The following EMB variants were observed in gnomAD, a reference collection of about 807,000 sequenced individuals.
The protein encoded by EMB is embigin, also known as embigin homolog.
In EMB, 31 loss-of-function variants were observed where a neutral mutation model predicts 41.4. The observed-to-expected ratio is 0.75, with a 90% CI of 0.56 to 1.01. The LOEUF (loss-of-function observed/expected upper bound fraction) is 1.01. Ranked by LOEUF, EMB falls within the 50% of genes least tolerant of loss-of-function variation. The probability of loss-of-function intolerance (pLI) is 0.00; values close to 1 mark genes in which losing one functional copy is unlikely to be tolerated. For missense variants in EMB, 379 were observed against 388.3 expected, an observed-to-expected ratio of 0.98 and a Z score of 0.20; for synonymous variants, 137 against 140.4, an observed-to-expected ratio of 0.98 and a Z score of 0.17.
chr5:50,418,875 G>A (rs934430049), intron 2 of EMB, among the ~76,000 whole-genome samples: 3 of 152,126 alleles, frequency 2.0e-5, no homozygotes, highest in Admixed American at 6.6e-5. Context: ...TTCTGGGCTT[G>A]AGATCATTAA....
At chr5:50,412,257 G>GAC (rs59853245) in intron 2 of EMB, among the ~76,000 whole-genome samples, 5,649 of 141,676 alleles carry the variant, frequency 0.04, 113 homozygotes, top group South Asian at 0.073. Flanking sequence ...CACACACACA[G>GAC]ACACACACAC....
chr5:50,432,572 T>C (rs1192353453), intron 1 of EMB, among the ~76,000 whole-genome samples: 1 of 152,024 alleles, frequency 6.6e-6, no homozygotes, highest in African/African-American at 2.4e-5. Context: ...TTAAAATACC[T>C]AATTACTAAG....
intron 2 of EMB, among the ~76,000 whole-genome samples, chr5:50,424,418 T>C (rs1303792190): frequency 6.6e-6 from 1 of 152,154 alleles, no homozygotes; most frequent in Non-Finnish European, 1.5e-5. Context: ...TTATTGAAGA[T>C]GGGATCTTGA....
chr5:50,401,775 T>C (rs1229279733), intron 7 of EMB, among the ~76,000 whole-genome samples: 1 of 151,876 alleles, frequency 6.6e-6, no homozygotes, highest in Non-Finnish European at 1.5e-5. Context: ...ATCAAAACCA[T>C]TTGTAGATGT....
chr5:50,415,731 T>C (rs1055172235), intron 2 of EMB, among the ~76,000 whole-genome samples: 1 of 152,160 alleles, frequency 6.6e-6, no homozygotes, highest in Non-Finnish European at 1.5e-5. Flanking sequence ...CAGACTGTGA[T>C]AACCAACAGA....
intron 2 of EMB, among the ~76,000 whole-genome samples, chr5:50,420,916 C>A (rs972000893): frequency 1.3e-5 from 2 of 152,108 alleles, no homozygotes; most frequent in African/African-American, 4.8e-5. Flanking sequence ...ATAAGAAGTT[C>A]TTGTCTCACA....
intron 4 of EMB, among the ~76,000 whole-genome samples, chr5:50,408,202 T>C (rs1745278748): frequency 6.6e-6 from 1 of 151,922 alleles, no homozygotes; most frequent in Admixed American, 6.6e-5. Flanking sequence ...CAAAAAGTTC[T>C]TGTTCTTTAC....
At chr5:50,420,453 G>A (rs926612855) in intron 2 of EMB, among the ~76,000 whole-genome samples, 3 of 152,164 alleles carry the variant, frequency 2.0e-5, no homozygotes, top group Non-Finnish European at 4.4e-5. Flanking sequence ...CATACATTTT[G>A]TACACACCCC....
intron 2 of EMB, among the ~76,000 whole-genome samples, chr5:50,422,322 T>G (rs1745538146): frequency 6.6e-6 from 1 of 152,140 alleles, no homozygotes; most frequent in African/African-American, 2.4e-5. Flanking sequence ...GCTTATTAGG[T>G]GTAGGTGTTA....
At chr5:50,406,171 T>C (rs1250223527) in intron 4 of EMB, among the ~76,000 whole-genome samples, 1 of 151,874 alleles carries the variant, frequency 6.6e-6, no homozygotes, top group Non-Finnish European at 1.5e-5. Context: ...CAAACCCCTG[T>C]TCTTTCTTCC....
At chr5:50,417,989 G>T (rs184379218) in intron 2 of EMB, among the ~76,000 whole-genome samples, 47 of 152,262 alleles carry the variant, frequency 3.1e-4, no homozygotes, top group Non-Finnish European at 7.4e-5. Flanking sequence ...ATTAAGGCAT[G>T]TAATGGTTAT....
chr5:50,400,874 CT>C lies in EMB; in HGVS notation c.912-962del, dbSNP rs370496691. ...CATTCCACACTGTTCTGGTACCATC[CT>C]TTCAGAGTGTGTTTTAAATCAGAAT... On this transcript the variant is annotated intron_variant, in intron 7 of 8. Transcript: ENST00000303221. 1.8e-4 allele frequency among the ~76,000 whole-genome samples: 28 copies of C among 152,052 alleles called. No individual in the cohort carries two copies. The East Asian group carries it at 4.3e-3, about 23-fold the overall frequency.
chr5:50,426,579 G>A (rs1745613407), intron 2 of EMB, among the ~76,000 whole-genome samples: 1 of 152,032 alleles, frequency 6.6e-6, no homozygotes, highest in Non-Finnish European at 1.5e-5. Flanking sequence ...TATTGTATTT[G>A]AATCTCTCTA....
intron 2 of EMB, among the ~76,000 whole-genome samples, chr5:50,427,867 G>A (rs1745645772): frequency 1.3e-5 from 2 of 152,148 alleles, no homozygotes; most frequent in Admixed American, 6.5e-5. Flanking sequence ...AAACATAAGA[G>A]TATCTGCAAA....
At chr5:50,434,680 A>T (rs1745775590) in intron 1 of EMB, among the ~76,000 whole-genome samples, 1 of 152,366 alleles carries the variant, frequency 6.6e-6, no homozygotes, top group East Asian at 1.9e-4. Context: ...GATTAGGGAC[A>T]CATTAGTACA....
chr5:50,421,687 C>T (rs559969889), intron 2 of EMB, among the ~76,000 whole-genome samples: 2 of 151,806 alleles, frequency 1.3e-5, no homozygotes, highest in African/African-American at 2.4e-5. Context: ...AAATGTGGCA[C>T]ATATACACCA....
At chr5:50,432,183 T>G (rs1255562462) in intron 1 of EMB, among the ~76,000 whole-genome samples, 1 of 152,146 alleles carries the variant, frequency 6.6e-6, no homozygotes, top group Non-Finnish European at 1.5e-5. Context: ...CAACTACATC[T>G]CTGATTAAGA....
At chr5:50,436,059 G>A (rs939784721) in intron 1 of EMB, among the ~76,000 whole-genome samples, 2 of 152,070 alleles carry the variant, frequency 1.3e-5, no homozygotes, top group Admixed American at 6.6e-5. Flanking sequence ...GTAAAGAATG[G>A]TATTTAGAAC....
intron 5 of EMB, 79 bp from the exon 6 acceptor site, chr5:50,403,533 T>A: frequency 6.8e-7 from 1 of 1,462,736 alleles, no homozygotes; most frequent in Non-Finnish European, 9.3e-7. Context: ...GTGAAAGCTA[T>A]AAGATAATGC....
Sources: allele counts gnomAD v4.1 joint callset (sites outside exome capture counted in the v4.1 genomes callset), GRCh38; gene constraint gnomAD v4.1.1; transcripts MANE v1.5; gene names NCBI Gene and HGNC (gene_info 2026-07-23, HGNC 2026-07-21).